DNAJC17: variants seen among roughly 807,000 people sequenced by gnomAD.
The protein encoded by DNAJC17 is DnaJ heat shock protein family (Hsp40) member C17, also known as dnaJ homolog subfamily C member 17.
DNAJC17 carries 35 observed loss-of-function variants against 48.1 expected under a neutral mutation model. The ratio of observed to expected loss-of-function variants is 0.73; its 90% CI spans 0.56 to 0.96. DNAJC17 has a LOEUF of 0.96. Ranked by LOEUF, DNAJC17 falls within the 50% of genes least tolerant of loss-of-function variation. The pLI is 0.00. For synonymous variants in DNAJC17, 117 were observed against 142.7 expected (o/e 0.82, Z 1.28); for missense variants, 355 against 377.1 (o/e 0.94, Z 0.48).
At chr15:40,776,670 T>G in intron 4 of DNAJC17, 43 bp from the exon 5 acceptor site, 1 of 1,607,294 alleles carries the variant, frequency 6.2e-7, no homozygotes, top group Non-Finnish European at 8.5e-7. Flanking sequence ...GTCTGTTCAG[T>G]TTCCATGTGG....
At chr15:40,777,107 G>A (rs7174651) in intron 4 of DNAJC17, among the ~76,000 whole-genome samples, 5,601 of 152,232 alleles carry the variant, frequency 0.037, 212 homozygotes, top group African/African-American at 0.092. Context: ...CTGGCTACAG[G>A]GATGGGCAGA....
At chr15:40,780,746 G>A (rs916061628) in intron 1 of DNAJC17, among the ~76,000 whole-genome samples, 3 of 152,058 alleles carry the variant, frequency 2.0e-5, no homozygotes, top group East Asian at 1.9e-4. Flanking sequence ...CCGAGGAGGC[G>A]GAGGTTGCAG....
In DNAJC17 at chr15:40,777,267, T is replaced by G. The variant is rs561808669; in HGVS notation, c.296-640A>C. 5.2e-3 allele frequency among the ~76,000 whole-genome samples: 777 copies of G among 150,394 alleles called. 3 individuals carry two copies. The highest frequency in any genetic ancestry group is 8.5e-3 in the Non-Finnish European group (575 of 67,790). ...TGCACTTTACTTACTTAGACTCTCCTTTTCTCTCTCTCTCTTTTTTTTTTT... is the reference window on the plus strand; with the variant it reads ...TGCACTTTACTTACTTAGACTCTCCGTTTCTCTCTCTCTCTTTTTTTTTTT... On this transcript the variant is annotated intron_variant, in intron 4 of 10. Coordinates refer to ENST00000220496, the MANE Select transcript of DNAJC17 (RefSeq NM_018163.3).
At chr15:40,783,949 G>A (rs1224480022) in intron 1 of DNAJC17, among the ~76,000 whole-genome samples, 1 of 152,178 alleles carries the variant, frequency 6.6e-6, no homozygotes, top group Admixed American at 6.5e-5. Context: ...GGAGCAGGCT[G>A]GGTGTGGTGG....
chr15:40,780,816 TAA>T (rs560925390), intron 1 of DNAJC17, among the ~76,000 whole-genome samples: 7 of 133,998 alleles, frequency 5.2e-5, no homozygotes, highest in African/African-American at 2.6e-4. Flanking sequence ...CTGTCTCAAA[TAA>T]AATAAAATAA....
chr15:40,773,624 T>C (rs1485556070), intron 10 of DNAJC17, 103 bp downstream of exon 10: 3 of 897,034 alleles, frequency 3.3e-6, no homozygotes, highest in Non-Finnish European at 5.1e-6. Context: ...AAGCTCACTC[T>C]AGGCCCCAAG....
intron 1 of DNAJC17, among the ~76,000 whole-genome samples, chr15:40,795,711 A>G (rs192915974): frequency 1.1e-3 from 168 of 152,290 alleles, no homozygotes; most frequent in African/African-American, 3.9e-3. Flanking sequence ...CCTGGCCAAC[A>G]TGGTGAAACC....
chr15:40,776,136 C>G (rs1889311306), intron 6 of DNAJC17, 60 bp downstream of exon 6: 2 of 1,542,634 alleles, frequency 1.3e-6, no homozygotes, highest in African/African-American at 1.4e-5. Flanking sequence ...GCCAGTGTGG[C>G]CGCTCTGAGC....
At chr15:40,786,892 C>A (rs1889658124) in intron 1 of DNAJC17, among the ~76,000 whole-genome samples, 1 of 152,192 alleles carries the variant, frequency 6.6e-6, no homozygotes, top group African/African-American at 2.4e-5. Flanking sequence ...CTTTTTCCAT[C>A]CTAGACTGGT....
At chr15:40,803,959 A>G (rs1890137236) in intron 1 of DNAJC17, among the ~76,000 whole-genome samples, 1 of 123,676 alleles carries the variant, frequency 8.1e-6, no homozygotes, top group South Asian at 2.5e-4. Flanking sequence ...CATTATGCAC[A>G]CTAGTGTTGA....
At chr15:40,780,740 G>C (rs1356972506) in intron 1 of DNAJC17, among the ~76,000 whole-genome samples, 1 of 151,972 alleles carries the variant, frequency 6.6e-6, no homozygotes, top group Non-Finnish European at 1.5e-5. Flanking sequence ...CTTGAACCGA[G>C]GAGGCGGAGG....
chr15:40,770,803 C>T lies in DNAJC17; in HGVS notation c.793-2741G>A, dbSNP rs767218189. ...ATCCTGGAGCCCCCACCTGCCTACA[C>T]AGCAGCCTACTCTGCCACCCTGCCA... is the stretch of plus-strand genomic sequence containing the variant. On this transcript the variant is annotated intron_variant, in intron 10 of 10. Transcript: ENST00000220496. The surrounding 1 kb of genome is among the most constrained non-coding windows in gnomAD (Gnocchi z 5.0). 64 of 1,550,060 alleles carry T rather than the reference C, an allele frequency of 4.1e-5. 1 individual carries two copies. In the South Asian group the frequency reaches 7.1e-4, roughly 17 times the overall value.
chr15:40,778,567 C>T (rs1889393263), intron 4 of DNAJC17, among the ~76,000 whole-genome samples: 1 of 151,632 alleles, frequency 6.6e-6, no homozygotes, highest in African/African-American at 2.4e-5. Flanking sequence ...ACCAATTTTA[C>T]TCACACTGGA....
At chr15:40,771,808 G>C (rs1190170774) in intron 10 of DNAJC17, 1 of 167,162 alleles carries the variant, frequency 6.0e-6, no homozygotes, top group Admixed American at 6.5e-5. Flanking sequence ...AAGGGGAGGC[G>C]CATACAGGGG....
intron 1 of DNAJC17, among the ~76,000 whole-genome samples, chr15:40,796,914 C>T (rs1016931742): frequency 6.6e-6 from 1 of 152,274 alleles, no homozygotes; most frequent in African/African-American, 2.4e-5. Flanking sequence ...CGTGCGCCAC[C>T]ACAATGAGCT....
chr15:40,790,595 A>T (rs1005909083), intron 1 of DNAJC17, among the ~76,000 whole-genome samples: 4 of 152,092 alleles, frequency 2.6e-5, no homozygotes, highest in Non-Finnish European at 4.4e-5. Flanking sequence ...AAAATAAAAT[A>T]AAAATAAAAT....
chr15:40,776,260 C>G lies in DNAJC17; in HGVS notation c.414G>C (p.Gln138His). The G allele has an allele frequency of 6.2e-7, 1 of 1,614,200 alleles. No homozygotes were observed. The highest frequency in any genetic ancestry group is 2.2e-5 in the East Asian group (1 of 44,878). The change falls in exon 6 of 11, where the codon CAG becomes CAC. Residue 138 changes from glutamine (Q) to histidine (H), a missense_variant. By Grantham distance (24) the Gln-to-His change is conservative. This residue lies in a region of DNAJC17 where 199 missense variants were observed against 199.9 expected (regional missense o/e 1.00). Coordinates refer to ENST00000220496, the MANE Select transcript of DNAJC17 (RefSeq NM_018163.3). ...GGATGAGCCTCTGCTGTTCCTCCAGCTGCCGGGAACCCTCTTCTCTCAGGC... is the reference window on the plus strand; with the variant it reads ...GGATGAGCCTCTGCTGTTCCTCCAGGTGCCGGGAACCCTCTTCTCTCAGGC... Reference protein sequence around the residue: ...IERLREEGSRQLEEQQRLIRE... With the variant: ...IERLREEGSRHLEEQQRLIRE...
Position 40,767,046 on chromosome 15 carries a change from G to A in DNAJC17, c.*894C>T. ...CTTGTTGGGAAGAATAAATGAGATA[G>A]CTCGTGAAGTACCTAGAAGGGGAGG... On this transcript the variant is annotated 3_prime_UTR_variant, in exon 11 of 11. Transcript: ENST00000220496. 2.0e-6 allele frequency: 1 copy of A among 490,980 alleles called. No homozygotes were observed. Among genetic ancestry groups the A allele is most frequent in the African/African-American group, 2.0e-5 (1 of 50,382 alleles). 30.4% of individuals were successfully genotyped at this position (490,980 alleles called of 1,614,324 possible).
chr15:40,799,633 C>T (rs1391287742), intron 1 of DNAJC17, among the ~76,000 whole-genome samples: 1 of 152,104 alleles, frequency 6.6e-6, no homozygotes, highest in Non-Finnish European at 1.5e-5. Context: ...GTTGTATATT[C>T]TCCTTTGTTG....
Sources: allele counts gnomAD v4.1 joint callset (sites outside exome capture counted in the v4.1 genomes callset), GRCh38; gene constraint gnomAD v4.1.1; regional missense constraint gnomAD v4.1.1; non-coding constraint Gnocchi (gnomAD v3.1); transcripts MANE v1.5; gene names NCBI Gene and HGNC (gene_info 2026-07-23, HGNC 2026-07-21).